RPTOR: variants seen among roughly 807,000 people sequenced by gnomAD.
RPTOR encodes the protein regulatory associated protein of MTOR complex 1, also known as regulatory-associated protein of mTOR.
In RPTOR, 21 loss-of-function variants were observed where a neutral mutation model predicts 169.9. The ratio of observed to expected loss-of-function variants is 0.12; its 90% confidence interval spans 0.09 to 0.18. The LOEUF (loss-of-function observed/expected upper bound fraction) is 0.18, where lower values mean the gene tolerates loss of function less well. Ranked by LOEUF, RPTOR falls within the 10% of genes least tolerant of loss-of-function variation. RPTOR has a pLI of 1.00. For synonymous variants in RPTOR, 732 were observed against 753.2 expected (o/e 0.97, Z 0.46); for missense variants, 1,133 against 1,855.9 (o/e 0.61, Z 7.16).
chr17:80,847,044 A>T (rs1348635118), intron 11 of RPTOR, among the ~76,000 whole-genome samples: 1 of 152,250 alleles, frequency 6.6e-6, no homozygotes, highest in Admixed American at 6.5e-5. Context: ...AGGCTCCCTG[A>T]GCGGATACTG....
intron 21 of RPTOR, among the ~76,000 whole-genome samples, chr17:80,911,919 C>T (rs2068617425): frequency 6.6e-6 from 1 of 152,176 alleles, no homozygotes; most frequent in South Asian, 2.1e-4. Context: ...CCTGAGGAAA[C>T]CACCCACGGA....
At chr17:80,946,703 T>C (rs1021642261) in intron 26 of RPTOR, among the ~76,000 whole-genome samples, 1 of 152,256 alleles carries the variant, frequency 6.6e-6, no homozygotes, top group African/African-American at 2.4e-5. Flanking sequence ...GACCACACTT[T>C]GTCTTATCAT....
At chr17:80,720,359 T>TTAAAATCA (rs1382408851) in intron 4 of RPTOR, among the ~76,000 whole-genome samples, 1 of 152,234 alleles carries the variant, frequency 6.6e-6, no homozygotes, top group Non-Finnish European at 1.5e-5. Flanking sequence ...TACGTGATTT[T>TTAAAATCA]TAAAAAGTGA....
At chr17:80,735,057 GA>G (rs1567881815) in intron 5 of RPTOR, among the ~76,000 whole-genome samples, 3 of 152,186 alleles carry the variant, frequency 2.0e-5, no homozygotes, top group African/African-American at 7.2e-5. Context: ...ATTGAGGGAT[GA>G]CTGCAACAAG....
Position 80,545,076 on chromosome 17 carries a change from T to A in RPTOR, c.-554T>A, listed in dbSNP as rs756730333. ...AGGAACCGGGTGCAGGCGAGCACGA[T>A]GGGCCGGTCGTGGCTCTGGTTGCAG... is the stretch of plus-strand genomic sequence containing the variant. On this transcript the variant is annotated 5_prime_UTR_variant, in exon 1 of 34. It removes an upstream start codon present in the reference 5' UTR. Transcript: ENST00000306801. The A allele has an allele frequency of 6.9e-5, 16 of 233,470 alleles. No individual in the cohort carries two copies. The highest frequency in any genetic ancestry group is 3.9e-4 in the Admixed American group (7 of 17,774). The allele number at this position is 233,470 out of a possible 1,614,324, so 14.5% of individuals were successfully genotyped here. A position where few individuals can be genotyped will look rare whatever the true frequency, so the allele number is the denominator to read the frequency against.
At chr17:80,863,981 A>G (rs954638883) in intron 13 of RPTOR, among the ~76,000 whole-genome samples, 1 of 152,196 alleles carries the variant, frequency 6.6e-6, no homozygotes, top group African/African-American at 2.4e-5. Context: ...GAAAAGAAAA[A>G]AAAATTTAAT....
chr17:80,900,196 C>A (rs1291826134), intron 20 of RPTOR, among the ~76,000 whole-genome samples: 1 of 152,062 alleles, frequency 6.6e-6, no homozygotes, highest in Non-Finnish European at 1.5e-5. Flanking sequence ...TTCTCTCAGC[C>A]GGGCATCTGT....
chr17:80,818,900 G>C (rs1006167794), intron 7 of RPTOR, among the ~76,000 whole-genome samples: 1 of 152,200 alleles, frequency 6.6e-6, no homozygotes, highest in African/African-American at 2.4e-5. Flanking sequence ...ACAGTGCTGG[G>C]GTGTGGGACC....
At chr17:80,584,629 C>G (rs1000689980) in intron 1 of RPTOR, among the ~76,000 whole-genome samples, 2 of 152,224 alleles carry the variant, frequency 1.3e-5, no homozygotes, top group Non-Finnish European at 2.9e-5. Context: ...ATTTTTCCCA[C>G]AACCTTTCCC....
chr17:80,670,256 T>C (rs1170901096), intron 3 of RPTOR, among the ~76,000 whole-genome samples: 1 of 152,194 alleles, frequency 6.6e-6, no homozygotes, highest in Non-Finnish European at 1.5e-5. Flanking sequence ...AAATTGTCCC[T>C]CTTTTATCAC....
intron 10 of RPTOR, among the ~76,000 whole-genome samples, chr17:80,841,876 C>G (rs577231997): frequency 1.3e-4 from 12 of 89,324 alleles, no homozygotes; most frequent in East Asian, 3.1e-4. Flanking sequence ...CTCACCGCAC[C>G]GCAGCTCACT....
intron 1 of RPTOR, among the ~76,000 whole-genome samples, chr17:80,612,996 A>G (rs192524243): frequency 6.6e-6 from 1 of 152,362 alleles, no homozygotes; most frequent in East Asian, 1.9e-4. Flanking sequence ...CTCAAAGTCC[A>G]TAGTCCGTCA....
In RPTOR at chr17:80,617,987, C is replaced by CTTTTTTTTTTTTT. The variant is rs1197342364; in HGVS notation, c.163-7693_163-7692insTTTTTTTTTTTTT. Among the ~76,000 whole-genome samples the CTTTTTTTTTTTTT allele has an allele frequency of 7.5e-5, 11 of 146,448 alleles. 1 individual carries two copies. The highest frequency in any genetic ancestry group is 2.6e-4 in the African/African-American group (10 of 39,150). ...TTTAGTTTGCTTAAAATAGTTACAA[C>CTTTTTTTTTTTTT]TTTTTTTTTTTAAGACGGGGTCTTG... is the stretch of plus-strand genomic sequence containing the variant. On this transcript the variant is annotated intron_variant, in intron 1 of 33. Coordinates refer to ENST00000306801, the MANE Select transcript of RPTOR (RefSeq NM_020761.3).
At chr17:80,634,259 CATACCGTGT>C (rs1231811807) in intron 2 of RPTOR, among the ~76,000 whole-genome samples, 865 of 68,760 alleles carry the variant, frequency 0.013, 19 homozygotes, top group African/African-American at 0.058. Flanking sequence ...TGTATGCGTG[CATACCGTGT>C]GTGTGCGTAC....
At chr17:80,748,996 A>G (rs372210834) in intron 5 of RPTOR, among the ~76,000 whole-genome samples, 1 of 16,064 alleles carries the variant, frequency 6.2e-5, no homozygotes, top group Non-Finnish European at 1.2e-4. Context: ...GGGTGGATGG[A>G]GGGGCTGCGG....
At chr17:80,576,676 CGTTA>C (rs1363416483) in intron 1 of RPTOR, among the ~76,000 whole-genome samples, 3 of 152,184 alleles carry the variant, frequency 2.0e-5, no homozygotes, top group African/African-American at 7.2e-5. Context: ...ACATTCACTT[CGTTA>C]GTCTGAAAAT....
intron 3 of RPTOR, among the ~76,000 whole-genome samples, chr17:80,701,708 T>C (rs2066102122): frequency 6.6e-6 from 1 of 152,210 alleles, no homozygotes; most frequent in Non-Finnish European, 1.5e-5. Context: ...TTCATTGCTA[T>C]AGGATGGGAG....
intron 23 of RPTOR, among the ~76,000 whole-genome samples, chr17:80,924,515 G>C (rs976209686): frequency 1.3e-5 from 2 of 152,164 alleles, no homozygotes; most frequent in African/African-American, 4.8e-5. Flanking sequence ...GGTCCCCACA[G>C]GTGCTGCTCA....
chr17:80,883,185 G>A (rs1340355864), intron 14 of RPTOR, among the ~76,000 whole-genome samples: 2 of 152,318 alleles, frequency 1.3e-5, no homozygotes, highest in Non-Finnish European at 2.9e-5. Context: ...CAGTGTTAGG[G>A]CTTCCAAGGA....
Sources: allele counts gnomAD v4.1 joint callset (sites outside exome capture counted in the v4.1 genomes callset), GRCh38; gene constraint gnomAD v4.1.1; transcripts MANE v1.5; gene names NCBI Gene and HGNC (gene_info 2026-07-23, HGNC 2026-07-21).